The following NPAT variants were observed in gnomAD, a reference collection of about 807,000 sequenced individuals.
NPAT encodes the protein nuclear protein, coactivator of histone transcription.
NPAT carries 52 observed loss-of-function variants against 130.7 expected under a neutral mutation model. That is an observed-to-expected ratio of 0.40 (90% CI 0.32 to 0.50). The LOEUF is 0.50. Among genes scored for constraint, NPAT ranks in the 20% least tolerant of loss-of-function variants. NPAT has a pLI of 0.68. For synonymous variants in NPAT, 580 were observed against 584.8 expected, an observed-to-expected ratio of 0.99 and a Z score of 0.12; for missense variants, 1,687 against 1,662.6, an observed-to-expected ratio of 1.01 and a Z score of -0.26.
intron 2 of NPAT, among the ~76,000 whole-genome samples, chr11:108,195,971 T>C (rs1180640702): frequency 6.6e-6 from 1 of 152,224 alleles, no homozygotes; most frequent in African/African-American, 2.4e-5. Flanking sequence ...AAGTTTTTAA[T>C]TTTTTATAAA....
rs1213984210 is a variant in NPAT, at chr11:108,158,808, T to A, written c.*134A>T. 1 of 626,914 alleles carries A rather than the reference T, an allele frequency of 1.6e-6. No individual in the cohort carries two copies. Among genetic ancestry groups the A allele is most frequent in the African/African-American group, 1.8e-5 (1 of 54,354 alleles). 38.8% of individuals were successfully genotyped at this position (626,914 alleles called of 1,614,324 possible). Reference sequence around the variant, plus strand: ...GAAGCTGTTTCAGAAACAGCATGATTTAGATATAAAGTGAAGTTTCAGTAC... The same window carrying A: ...GAAGCTGTTTCAGAAACAGCATGATATAGATATAAAGTGAAGTTTCAGTAC... On this transcript the variant is annotated 3_prime_UTR_variant, in exon 18 of 18. Transcript: ENST00000278612.
intron 1 of NPAT, among the ~76,000 whole-genome samples, chr11:108,210,685 A>G (rs1157368801): frequency 2.0e-5 from 3 of 152,254 alleles, no homozygotes; most frequent in African/African-American, 7.2e-5. Context: ...GAAAATCTGA[A>G]CAGACCTATA....
In NPAT at chr11:108,166,000, T is replaced by C. The variant is rs2077899304; in HGVS notation, c.3010+3744A>G. On this transcript the variant is annotated intron_variant, in intron 15 of 17. Transcript: ENST00000278612. Reference sequence around the variant, plus strand: ...AGTCTCATTATGTTGCATAGGCTGATCTCAAACTCCTGGGCTCAGTGATCC... The same window carrying C: ...AGTCTCATTATGTTGCATAGGCTGACCTCAAACTCCTGGGCTCAGTGATCC... Among the ~76,000 whole-genome samples, 2 of 10,082 alleles carry C rather than the reference T, an allele frequency of 2.0e-4. 1 individual carries two copies. The highest frequency in any genetic ancestry group is 1.0e-3 in the African/African-American group (2 of 1,948). The allele number at this position is 10,082 out of a possible 152,430, so 6.6% of individuals were successfully genotyped here. A position where few individuals can be genotyped will look rare whatever the true frequency, so the allele number is the denominator to read the frequency against.
Position 108,192,178 on chromosome 11 carries a change from T to C in NPAT, c.230A>G (p.Asn77Ser), listed in dbSNP as rs755534694. 111 of 1,601,300 alleles carry C rather than the reference T, an allele frequency of 6.9e-5. 1 individual carries two copies. Among genetic ancestry groups the C allele is most frequent in the Non-Finnish European group, 9.2e-5 (107 of 1,168,600 alleles). The change falls in exon 4 of 18, where the codon AAT (asparagine) becomes AGT (serine). Residue 77 changes from asparagine to serine, a missense_variant. Transcript: ENST00000278612. ...VAMKTKETSN[N>S]VPAIMSSLWK... The stretch of plus-strand genomic sequence containing the variant: ...TAGAGATGACATTATTGCTGGGACA[T>C]TATTTGATGTTTCTAAATCATAGGA...
At chr11:108,209,185 C>A (rs1459463458) in intron 1 of NPAT, among the ~76,000 whole-genome samples, 1 of 152,166 alleles carries the variant, frequency 6.6e-6, no homozygotes, top group Non-Finnish European at 1.5e-5. Flanking sequence ...GAGGCTGAGG[C>A]AGGAGAACTG....
intron 8 of NPAT, 125 bp from the exon 9 acceptor site, chr11:108,185,619 G>T: frequency 1.4e-6 from 1 of 701,046 alleles, no homozygotes; most frequent in Non-Finnish European, 2.5e-6. Context: ...AAACTCAGAA[G>T]TTGTGATGGC....
rs1032045514 is a variant in NPAT, at chr11:108,172,612, G to C, written c.2372C>G (p.Ser791Cys). ...TKNAELVKCL[S>C]SEETVGAVVY... ...AACAGCACCTACAGTTTCTTCTGAA[G>C]ATAGGCATTTAACTAGTTCTGCATT... The change falls in exon 13 of 18, where the codon TCT (serine) becomes TGT (cysteine). Residue 791 changes from serine (S) to cysteine (C), a missense_variant. Transcript: ENST00000278612. 2 of 1,614,200 alleles carry C rather than the reference G, an allele frequency of 1.2e-6. No homozygotes were observed. Among genetic ancestry groups the C allele is most frequent in the Admixed American group, 1.7e-5 (1 of 60,026 alleles).
At chr11:108,159,968 C>A (rs565000731) in intron 17 of NPAT, among the ~76,000 whole-genome samples, 1 of 151,740 alleles carries the variant, frequency 6.6e-6, no homozygotes, top group Non-Finnish European at 1.5e-5. Flanking sequence ...CTGGCCAACA[C>A]GGTGAAACCC....
chr11:108,158,691 G>A lies in NPAT; in HGVS notation c.*251C>T, dbSNP rs1227335876. The A allele has an allele frequency of 2.4e-6, 1 of 413,758 alleles. No individual in the cohort carries two copies. The highest frequency in any genetic ancestry group is 4.4e-6 in the Non-Finnish European group (1 of 224,738). 25.6% of individuals were successfully genotyped at this position (413,758 alleles called of 1,614,324 possible). On this transcript the variant is annotated 3_prime_UTR_variant, in exon 18 of 18. Coordinates refer to ENST00000278612, the MANE Select transcript of NPAT (RefSeq NM_002519.3). ...GTATTTACAATATGGAATTGTCAAA[G>A]CTATACAGTTTTGCAGATTGGCTTT...
intron 3 of NPAT, among the ~76,000 whole-genome samples, chr11:108,193,352 T>A: frequency 6.6e-6 from 1 of 152,068 alleles, no homozygotes; most frequent in East Asian, 1.9e-4. Flanking sequence ...GAGTTTTATT[T>A]TACATATTTT....
rs113385426 is a variant in NPAT at position 108,213,734 on chromosome 11, A to G, written c.37+8766T>C. The stretch of plus-strand genomic sequence containing the variant: ...ATGAAGAAAAAGTTGAAGCACTTAC[A>G]CTTACCAATTTCAAAACTTACTGTA... On this transcript the variant is annotated intron_variant, in intron 1 of 17. Coordinates refer to ENST00000278612, the MANE Select transcript of NPAT (RefSeq NM_002519.3). Among the ~76,000 whole-genome samples, 1,095 of 152,314 alleles carry G rather than the reference A, an allele frequency of 7.2e-3. 7 individuals carry two copies. The highest frequency in any genetic ancestry group is 0.023 in the African/African-American group (973 of 41,562).
chr11:108,184,894 G>C (rs1173873112), intron 10 of NPAT, among the ~76,000 whole-genome samples: 1 of 152,092 alleles, frequency 6.6e-6, no homozygotes, highest in African/African-American at 2.4e-5. Flanking sequence ...ATTTGTAGCA[G>C]TGTAGAAGAA....
intron 15 of NPAT, among the ~76,000 whole-genome samples, chr11:108,169,217 C>A (rs2077927599): frequency 6.6e-6 from 1 of 152,168 alleles, no homozygotes; most frequent in Non-Finnish European, 1.5e-5. Flanking sequence ...ATGGCTAAAA[C>A]AGGGAACACA....
At chr11:108,175,924 T>G in intron 12 of NPAT, among the ~76,000 whole-genome samples, 1 of 152,196 alleles carries the variant, frequency 6.6e-6, no homozygotes, top group East Asian at 1.9e-4. Context: ...CTTCCCAAAG[T>G]GCTGGGAGCA....
intron 5 of NPAT, 59 bp from the exon 6 acceptor site, chr11:108,189,389 A>G: frequency 6.9e-7 from 1 of 1,452,882 alleles, no homozygotes; most frequent in Non-Finnish European, 9.7e-7. Flanking sequence ...GGGAATTGTA[A>G]GAAGTCAATA....
At chr11:108,221,189 G>C (rs1390513090) in intron 1 of NPAT, among the ~76,000 whole-genome samples, 1 of 152,166 alleles carries the variant, frequency 6.6e-6, no homozygotes, top group Non-Finnish European at 1.5e-5. Flanking sequence ...AACTGGGTAA[G>C]GGTAGGGTGG....
chr11:108,218,419 TCTC>T (rs1225620392), intron 1 of NPAT, among the ~76,000 whole-genome samples: 1 of 152,078 alleles, frequency 6.6e-6, no homozygotes, highest in Non-Finnish European at 1.5e-5. Flanking sequence ...TGTGAAAACA[TCTC>T]CTTCACATAT....
intron 1 of NPAT, among the ~76,000 whole-genome samples, chr11:108,213,868 T>C (rs978041339): frequency 2.0e-5 from 3 of 152,160 alleles, no homozygotes; most frequent in Non-Finnish European, 4.4e-5. Flanking sequence ...CTCTGAAGCA[T>C]GGAATCCAGA....
chr11:108,197,465 CT>C, intron 1 of NPAT, 45 bp from the exon 2 acceptor site: 1 of 1,265,366 alleles, frequency 7.9e-7, no homozygotes, highest in Non-Finnish European at 1.2e-6. Flanking sequence ...AAATTCTGTA[CT>C]TTTGGTTAAA....
Sources: allele counts gnomAD v4.1 joint callset (sites outside exome capture counted in the v4.1 genomes callset), GRCh38; gene constraint gnomAD v4.1.1; transcripts MANE v1.5; gene names NCBI Gene and HGNC (gene_info 2026-07-23, HGNC 2026-07-21).